The following COX19 variants were observed in gnomAD, a reference collection of about 807,000 sequenced individuals.
COX19 encodes the protein cytochrome c oxidase assembly protein COX19.
COX19 carries 8 observed loss-of-function variants against 6.8 expected under a neutral mutation model. The observed-to-expected ratio is 1.18, with a 90% CI of 0.69 to 2.12. The LOEUF (loss-of-function observed/expected upper bound fraction) is 2.12. Among genes scored for constraint, COX19 ranks in the 30% most tolerant of loss-of-function variants. The probability of loss-of-function intolerance (pLI) is 0.00; values close to 1 mark genes in which losing one functional copy is unlikely to be tolerated. For synonymous variants in COX19, 51 were observed against 38.0 expected (o/e 1.34, Z -1.26); for missense variants, 131 against 104.6 (o/e 1.25, Z -1.10).
At position 966,018 on chromosome 7, in the gene COX19, A is replaced by G. The variant is rs1043711740; in HGVS notation, c.*3360T>C. Reference sequence around the variant, plus strand: ...TTCCTGTTCCCAAAATTTCTTCTATATTAGAATTAATAAGACAGACCTGGC... The same window carrying G: ...TTCCTGTTCCCAAAATTTCTTCTATGTTAGAATTAATAAGACAGACCTGGC... On this transcript the variant is annotated 3_prime_UTR_variant, in exon 3 of 3. Coordinates refer to ENST00000344111, the MANE Select transcript of COX19 (RefSeq NM_001031617.3). 5 of 152,178 alleles carry G rather than the reference A, an allele frequency of 3.3e-5. No homozygotes were observed. The highest frequency in any genetic ancestry group is 9.7e-5 in the African/African-American group (4 of 41,428). 9.4% of individuals were successfully genotyped at this position (152,178 alleles called of 1,614,324 possible).
intron 2 of COX19, among the ~76,000 whole-genome samples, chr7:970,869 T>A (rs1211459457): frequency 6.6e-6 from 1 of 152,184 alleles, no homozygotes; most frequent in Non-Finnish European, 1.5e-5. Context: ...GAGCCACCAC[T>A]TCTTGCCAAA....
In COX19 at chr7:968,130, C is replaced by T. The variant is rs1847585878; in HGVS notation, c.*1248G>A. On this transcript the variant is annotated 3_prime_UTR_variant, in exon 3 of 3. Transcript: ENST00000344111. ...GGTAGAACCCATGGGTGCAGGGACA[C>T]AGGGTTGGGCGGGCCCAGCCGCAAT... 6.6e-6 allele frequency: 1 copy of T among 152,308 alleles called. No homozygotes were observed. Among genetic ancestry groups the T allele is most frequent in the South Asian group, 2.1e-4 (1 of 4,836 alleles). 9.4% of individuals were successfully genotyped at this position (152,308 alleles called of 1,614,324 possible). A position where few individuals can be genotyped will look rare whatever the true frequency, so the allele number is the denominator to read the frequency against.
chr7:972,723 C>T (rs1314922538), intron 2 of COX19: 2 of 152,348 alleles, frequency 1.3e-5, no homozygotes, highest in African/African-American at 4.8e-5. Context: ...ATTCATCTTT[C>T]ATCATTTCTT....
chr7:970,503 C>T (rs544550739), intron 2 of COX19, among the ~76,000 whole-genome samples: 29 of 146,980 alleles, frequency 2.0e-4, no homozygotes, highest in African/African-American at 6.4e-4. Flanking sequence ...AGTGCAGCGG[C>T]ATGATCTCGG....
Position 965,713 on chromosome 7 carries a change from T to C in COX19, c.*3665A>G, listed in dbSNP as rs1366557983. ...TGGAGTGTGGTGGCACAATCCCTGC[T>C]CACTGCAACCTCTGCCTCCTGGTTT... On this transcript the variant is annotated 3_prime_UTR_variant, in exon 3 of 3. Coordinates refer to ENST00000344111, the MANE Select transcript of COX19 (RefSeq NM_001031617.3). Among the ~76,000 whole-genome samples, 1 of 152,228 alleles carries C rather than the reference T, an allele frequency of 6.6e-6. No homozygotes were observed. The highest frequency in any genetic ancestry group is 2.4e-5 in the African/African-American group (1 of 41,462).
intron 1 of COX19, among the ~76,000 whole-genome samples, chr7:974,423 G>A (rs1161240588): frequency 1.3e-5 from 2 of 152,070 alleles, no homozygotes; most frequent in Non-Finnish European, 2.9e-5. Context: ...GAGTGAGACC[G>A]TGTCTCAAAA....
intron 1 of COX19, 68 bp from the exon 2 acceptor site, chr7:973,360 A>T (rs1847660963): frequency 6.8e-7 from 1 of 1,477,000 alleles, no homozygotes; most frequent in Non-Finnish European, 9.0e-7. Flanking sequence ...CAACAGCCTT[A>T]AGAGCTGCGC....
chr7:972,745 T>C (rs575862094), intron 2 of COX19: 1 of 152,734 alleles, frequency 6.5e-6, no homozygotes, highest in South Asian at 2.1e-4. Flanking sequence ...AATAGTCTAT[T>C]GTCCTCCCTG....
chr7:975,189 T>C (rs1847688034), intron 1 of COX19: 1 of 429,590 alleles, frequency 2.3e-6, no homozygotes, highest in Non-Finnish European at 4.1e-6. Context: ...CCCGGAAGCC[T>C]GACGCAAGGA....
Position 969,383 on chromosome 7 carries a change from T to C in COX19, c.268A>G (p.Lys90Glu). ...DLTSGKSEAK[K>E] is the part of the protein sequence containing the mutation. ...AGGGGTCTTCTCATCAAAATTCATT[T>C]TTTTGCCTCTGATTTTCCACTAGTC... Residue 90 changes from lysine (K) to glutamate (E), a missense_variant, in exon 3 of 3, where the codon AAA (lysine) becomes GAA (glutamate). Lys to Glu is a moderately conservative substitution (Grantham distance 56). Transcript: ENST00000344111. 1.9e-6 allele frequency: 3 copies of C among 1,602,648 alleles called. No individual in the cohort carries two copies. The highest frequency in any genetic ancestry group is 2.6e-6 in the Non-Finnish European group (3 of 1,169,618).
rs918764691 is a variant in COX19 at position 965,622 on chromosome 7, C to G, written c.*3756G>C. Among the ~76,000 whole-genome samples the G allele has an allele frequency of 3.9e-5, 6 of 152,214 alleles. No homozygotes were observed. The highest frequency in any genetic ancestry group is 5.9e-5 in the Non-Finnish European group (4 of 68,034). ...CAAGACAGCAGACACCTGCTTCACA[C>G]CACACGTCACCACTCACTTCATGGC... On this transcript the variant is annotated 3_prime_UTR_variant, in exon 3 of 3. Transcript: ENST00000344111.
At chr7:970,521 C>T (rs1847620648) in intron 2 of COX19, among the ~76,000 whole-genome samples, 1 of 149,426 alleles carries the variant, frequency 6.7e-6, no homozygotes, top group Non-Finnish European at 1.5e-5. Context: ...CGGCTCACTA[C>T]AACCTCCACC....
chr7:968,040 C>A lies in COX19; in HGVS notation c.*1338G>T, dbSNP rs986884353. On this transcript the variant is annotated 3_prime_UTR_variant, in exon 3 of 3. Transcript: ENST00000344111. Reference sequence around the variant, plus strand: ...AACTAGCGGTGATATGTTAATACGTCTGCAGCACTCAGAGGCCTGACAGAG... The same window carrying A: ...AACTAGCGGTGATATGTTAATACGTATGCAGCACTCAGAGGCCTGACAGAG... The A allele has an allele frequency of 2.0e-5, 3 of 152,288 alleles. No homozygotes were observed. The highest frequency in any genetic ancestry group is 2.0e-4 in the Admixed American group (3 of 15,282). 9.4% of individuals were successfully genotyped at this position (152,288 alleles called of 1,614,324 possible). A position where few individuals can be genotyped will look rare whatever the true frequency, so the allele number is the denominator to read the frequency against.
At chr7:970,191 G>C (rs1370222691) in intron 2 of COX19, among the ~76,000 whole-genome samples, 1 of 151,930 alleles carries the variant, frequency 6.6e-6, no homozygotes, top group Non-Finnish European at 1.5e-5. Flanking sequence ...CTGGAGTGCA[G>C]TGGTGCAATC....
At chr7:973,316 TG>T in intron 1 of COX19, 24 bp from the exon 2 acceptor site, 2 of 1,553,730 alleles carry the variant, frequency 1.3e-6, no homozygotes, top group South Asian at 2.4e-5. Flanking sequence ...GAAAACAGCA[TG>T]TTCTTTTCAG....
At position 964,856 on chromosome 7, in the gene COX19, C is replaced by G. The variant is rs1331620859; in HGVS notation, c.*4522G>C. On this transcript the variant is annotated 3_prime_UTR_variant, in exon 3 of 3. Coordinates refer to ENST00000344111, the MANE Select transcript of COX19 (RefSeq NM_001031617.3). ...GCTTGGAAAACGCTCTGGAAATTGT[C>G]TTTGGGAGCCTTTTAATAATGTGGC... Among the ~76,000 whole-genome samples, 1 of 152,254 alleles carries G rather than the reference C, an allele frequency of 6.6e-6. No homozygotes were observed. Among genetic ancestry groups the G allele is most frequent in the Non-Finnish European group, 1.5e-5 (1 of 68,050 alleles).
chr7:969,620 A>G (rs900304118), intron 2 of COX19, among the ~76,000 whole-genome samples, 164 bp from the exon 3 acceptor site: 7 of 151,914 alleles, frequency 4.6e-5, no homozygotes, highest in Non-Finnish European at 7.4e-5. Context: ...TGCCTTCCCC[A>G]CTGGGCAGAG....
chr7:973,539 C>T (rs898432307), intron 1 of COX19, among the ~76,000 whole-genome samples: 1 of 152,166 alleles, frequency 6.6e-6, no homozygotes, highest in Admixed American at 6.5e-5. Flanking sequence ...CTAGGTGTGG[C>T]GCACGTCTGT....
At chr7:972,853 G>A (rs1254541511) in intron 2 of COX19, 4 of 171,950 alleles carry the variant, frequency 2.3e-5, no homozygotes, top group Admixed American at 6.3e-5. Flanking sequence ...CACGACCTTC[G>A]GTCTTTTGAC....
Sources: gnomAD v4.1 joint callset for allele counts (sites outside exome capture counted in the v4.1 genomes callset) on GRCh38, gnomAD v4.1.1 for gene constraint, MANE v1.5 for transcripts, NCBI Gene and HGNC (gene_info 2026-07-23, HGNC 2026-07-21) for gene names.